The following AGBL1 variants were observed in gnomAD, a reference collection of about 807,000 sequenced individuals.
The protein encoded by AGBL1 is cytosolic carboxypeptidase 4.
AGBL1 carries 130 observed loss-of-function variants against 118.9 expected under a neutral mutation model. The observed-to-expected ratio is 1.09, with a 90% CI of 0.95 to 1.26. The LOEUF is 1.26. Ranked by LOEUF, AGBL1 falls within the 50% of genes most tolerant of loss-of-function variation. The pLI, the probability that AGBL1 is intolerant of heterozygous loss-of-function variation, is 0.00. For synonymous variants in AGBL1, 555 were observed against 478.9 expected, an observed-to-expected ratio of 1.16 and a Z score of -2.08; for missense variants, 1,584 against 1,298.1, an observed-to-expected ratio of 1.22 and a Z score of -3.38.
chr15:86,837,195 C>T (rs1326739500), intron 22 of AGBL1, among the ~76,000 whole-genome samples: 2 of 149,236 alleles, frequency 1.3e-5, no homozygotes, highest in African/African-American at 2.5e-5. Flanking sequence ...ACTTTTATTA[C>T]AGGCTGTTCC....
At chr15:86,407,807 C>G (rs76372539) in intron 18 of AGBL1, among the ~76,000 whole-genome samples, 5,191 of 152,236 alleles carry the variant, frequency 0.034, 117 homozygotes, top group Non-Finnish European at 0.054. Flanking sequence ...TCCTTCCAAG[C>G]TGGATTTATG....
At chr15:86,695,830 C>T (rs2086246217) in intron 22 of AGBL1, among the ~76,000 whole-genome samples, 1 of 151,876 alleles carries the variant, frequency 6.6e-6, no homozygotes, top group Non-Finnish European at 1.5e-5. Flanking sequence ...TTTTTAATTT[C>T]CATCTTGATT....
chr15:86,990,206 G>A (rs2081324167), intron 24 of AGBL1, among the ~76,000 whole-genome samples: 1 of 151,986 alleles, frequency 6.6e-6, no homozygotes, highest in African/African-American at 2.4e-5. Flanking sequence ...GAGAGGATAG[G>A]GGCTTGGTCA....
chr15:86,522,785 A>G, intron 18 of AGBL1, 25 bp from the exon 19 acceptor site: 1 of 1,611,030 alleles, frequency 6.2e-7, no homozygotes, highest in Non-Finnish European at 8.5e-7. Context: ...ATGTGTATTT[A>G]TTTGCTTATT....
chr15:86,531,889 A>G (rs1294571495), intron 19 of AGBL1, among the ~76,000 whole-genome samples: 2 of 148,880 alleles, frequency 1.3e-5, no homozygotes, highest in Non-Finnish European at 3.0e-5. Context: ...ATGCAGAAAA[A>G]GCCTTTGACA....
intron 21 of AGBL1, among the ~76,000 whole-genome samples, chr15:86,629,032 A>C (rs886954399): frequency 8.5e-5 from 13 of 152,126 alleles, no homozygotes; most frequent in African/African-American, 3.1e-4. Flanking sequence ...AATTTCGAGT[A>C]TACCATAGCT....
intron 6 of AGBL1, among the ~76,000 whole-genome samples, chr15:86,226,752 C>G (rs577277815): frequency 6.6e-6 from 1 of 152,158 alleles, no homozygotes; most frequent in Non-Finnish European, 1.5e-5. Context: ...TTTCTAACTT[C>G]TTCTTTCCCT....
At position 86,681,522 on chromosome 15, in the gene AGBL1, C is replaced by T. The variant is rs937835918; in HGVS notation, c.3158+7086C>T. 2.6e-5 allele frequency among the ~76,000 whole-genome samples: 4 copies of T among 152,152 alleles called. No homozygotes were observed. In the East Asian group the frequency reaches 5.8e-4, roughly 22 times the overall value. ...AAGCTTCTGGAAAGGCATTGGCCTC[C>T]TTGTACTTTTGCAGGATGTTTCACC... On this transcript the variant is annotated intron_variant, in intron 22 of 22. Coordinates refer to ENST00000614907, the MANE Select transcript of AGBL1 (RefSeq NM_001386094.1).
chr15:86,846,482 T>C (rs1026505951), intron 22 of AGBL1, among the ~76,000 whole-genome samples: 1 of 152,222 alleles, frequency 6.6e-6, no homozygotes, highest in Non-Finnish European at 1.5e-5. Flanking sequence ...AGTTCCATTG[T>C]CTTACAGATT....
At chr15:86,488,962 T>C (rs1361937841) in intron 18 of AGBL1, among the ~76,000 whole-genome samples, 2 of 152,062 alleles carry the variant, frequency 1.3e-5, no homozygotes, top group East Asian at 1.9e-4. Context: ...TTCAAGACTA[T>C]CATTTTATTG....
At chr15:86,690,707 A>T (rs1363014728) in intron 22 of AGBL1, among the ~76,000 whole-genome samples, 2 of 152,128 alleles carry the variant, frequency 1.3e-5, no homozygotes, top group Non-Finnish European at 2.9e-5. Flanking sequence ...GCACTGAATT[A>T]TGGGGATCTT....
intron 23 of AGBL1, among the ~76,000 whole-genome samples, chr15:86,933,367 G>T (rs1456567236): frequency 1.3e-5 from 2 of 152,170 alleles, no homozygotes; most frequent in Non-Finnish European, 2.9e-5. Context: ...CACAAAATAA[G>T]GGATATGGGA....
intron 24 of AGBL1, among the ~76,000 whole-genome samples, chr15:87,007,568 AACACAG>A (rs1362500280): frequency 6.6e-6 from 1 of 152,224 alleles, no homozygotes; most frequent in African/African-American, 2.4e-5. Context: ...CATGAATAAG[AACACAG>A]ACAGGATGAG....
At chr15:86,640,330 C>G (rs1306067498) in intron 21 of AGBL1, among the ~76,000 whole-genome samples, 1 of 152,114 alleles carries the variant, frequency 6.6e-6, no homozygotes, top group East Asian at 1.9e-4. Flanking sequence ...GTTACTTACA[C>G]TTTCTGATTG....
At chr15:86,258,234 C>T (rs1489088711) in intron 9 of AGBL1, among the ~76,000 whole-genome samples, 1 of 152,184 alleles carries the variant, frequency 6.6e-6, no homozygotes, top group East Asian at 1.9e-4. Flanking sequence ...AGGTCCGGTA[C>T]AATGTCTCAT....
intron 18 of AGBL1, among the ~76,000 whole-genome samples, chr15:86,429,523 A>T (rs1567253791): frequency 6.6e-6 from 1 of 152,216 alleles, no homozygotes; most frequent in Non-Finnish European, 1.5e-5. Context: ...TCACAATGTA[A>T]ATCTGACAGG....
chr15:86,138,897 C>T (rs2076924046), intron 1 of AGBL1, among the ~76,000 whole-genome samples: 1 of 152,124 alleles, frequency 6.6e-6, no homozygotes, highest in South Asian at 2.1e-4. Context: ...ATTCCAGAGA[C>T]TTCATTTTCT....
At chr15:86,765,610 G>C (rs1291565025) in intron 22 of AGBL1, among the ~76,000 whole-genome samples, 1 of 151,952 alleles carries the variant, frequency 6.6e-6, no homozygotes, top group African/African-American at 2.4e-5. Context: ...TTAAGGGGGA[G>C]AGACGTGACA....
At chr15:86,366,174 C>T (rs2080884838) in intron 17 of AGBL1, among the ~76,000 whole-genome samples, 1 of 152,118 alleles carries the variant, frequency 6.6e-6, no homozygotes. Context: ...ACACAATCCT[C>T]CCCTACATTC....
Sources: allele counts gnomAD v4.1 joint callset (sites outside exome capture counted in the v4.1 genomes callset), GRCh38; gene constraint gnomAD v4.1.1; transcripts MANE v1.5; gene names NCBI Gene and HGNC (gene_info 2026-07-23, HGNC 2026-07-21).